Variants in ATP8A1 observed in about 807,000 individuals in gnomAD.
The protein encoded by ATP8A1 is ATPase phospholipid transporting 8A1.
Under a neutral mutation model 177.7 loss-of-function variants are expected in ATP8A1, and 90 were observed. That is an observed-to-expected ratio of 0.51 (90% confidence interval 0.43 to 0.60). ATP8A1 has a LOEUF of 0.60. ATP8A1 is among the 20% of genes least tolerant of loss of function. The pLI, the probability that ATP8A1 is intolerant of heterozygous loss-of-function variation, is 0.00. For synonymous variants in ATP8A1, 493 were observed against 485.9 expected (o/e 1.01, Z -0.19); for missense variants, 1,072 against 1,392.8 (o/e 0.77, Z 3.67).
At chr4:42,528,004 G>A (rs10019145) in intron 20 of ATP8A1, among the ~76,000 whole-genome samples, 1 of 151,910 alleles carries the variant, frequency 6.6e-6, no homozygotes, top group Non-Finnish European at 1.5e-5. Context: ...CAGACATTTT[G>A]GGGACTACTG....
intron 24 of ATP8A1, among the ~76,000 whole-genome samples, chr4:42,491,772 C>T (rs1722766739): frequency 6.6e-6 from 1 of 152,132 alleles, no homozygotes; most frequent in African/African-American, 2.4e-5. Flanking sequence ...AGTAATGCTG[C>T]AGAAAGCACC....
intron 1 of ATP8A1, among the ~76,000 whole-genome samples, chr4:42,642,897 T>G (rs1740154293): frequency 6.6e-6 from 1 of 152,184 alleles, no homozygotes; most frequent in Admixed American, 6.5e-5. Flanking sequence ...TCCAGCGTTT[T>G]TAAAAGTTCA....
intron 1 of ATP8A1, among the ~76,000 whole-genome samples, chr4:42,650,561 T>C (rs1307652937): frequency 6.6e-6 from 1 of 152,244 alleles, no homozygotes; most frequent in Non-Finnish European, 1.5e-5. Context: ...TTTTTATTCC[T>C]TTTGTTACCT....
At chr4:42,485,852 C>G (rs1722144839) in intron 24 of ATP8A1, among the ~76,000 whole-genome samples, 184 bp from the exon 25 acceptor site, 1 of 152,122 alleles carries the variant, frequency 6.6e-6, no homozygotes, top group Non-Finnish European at 1.5e-5. Context: ...CAATTGTTAT[C>G]AGAAAAAGTT....
Position 42,408,489 on chromosome 4 carries a change from T to C in ATP8A1, c.*4427A>G, listed in dbSNP as rs757584519. The C allele has an allele frequency of 3.9e-5, 6 of 152,196 alleles. No individual in the cohort carries two copies. The highest frequency in any genetic ancestry group is 7.4e-5 in the Non-Finnish European group (5 of 68,024). 9.4% of individuals were successfully genotyped at this position (152,196 alleles called of 1,614,324 possible). A position where few individuals can be genotyped will look rare whatever the true frequency, so the allele number is the denominator to read the frequency against. On this transcript the variant is annotated 3_prime_UTR_variant, in exon 37 of 37. Transcript: ENST00000381668. Reference sequence around the variant, plus strand: ...AAGGCCAATGACACATAACACTGCATAGAAATAATATTACTCAATTTTAAT... The same window carrying C: ...AAGGCCAATGACACATAACACTGCACAGAAATAATATTACTCAATTTTAAT...
At chr4:42,651,302 A>C (rs111460181) in intron 1 of ATP8A1, among the ~76,000 whole-genome samples, 2,916 of 152,252 alleles carry the variant, frequency 0.019, 32 homozygotes, top group Middle Eastern at 0.054. Flanking sequence ...TGCTGCTGAA[A>C]AGATACTGAA....
chr4:42,522,897 A>G (rs1438858045), intron 21 of ATP8A1, among the ~76,000 whole-genome samples: 1 of 152,134 alleles, frequency 6.6e-6, no homozygotes, highest in African/African-American at 2.4e-5. Context: ...TGTCTCCTCT[A>G]TTAAAGCACT....
Position 42,464,901 on chromosome 4 carries a change from TGGA to T in ATP8A1, c.2497_2499del (p.Ser833del). ...CAGAAATGACGCTTTACCTGAGCTA[TGGA>T]GTAGTCAGAGGAATTAGCTGCCTGC... On this transcript the variant is annotated inframe_deletion, in exon 26 of 37. Transcript: ENST00000381668. 1 of 1,614,194 alleles carries T rather than the reference TGGA, an allele frequency of 6.2e-7. No individual in the cohort carries two copies. The highest frequency in any genetic ancestry group is 8.5e-7 in the Non-Finnish European group (1 of 1,180,012).
intron 25 of ATP8A1, among the ~76,000 whole-genome samples, chr4:42,466,354 C>G (rs900310659): frequency 9.9e-5 from 15 of 152,170 alleles, no homozygotes; most frequent in Non-Finnish European, 4.4e-5. Context: ...ATGAAGATCA[C>G]CACTTTGAGA....
chr4:42,468,386 ATG>A lies in ATP8A1; in HGVS notation c.2325-3312_2325-3311del, dbSNP rs997660907. On this transcript the variant is annotated intron_variant, in intron 25 of 36. Transcript: ENST00000381668. ...CTGTGGTATGTGTGTATATATATGT[ATG>A]TGTGTGTATATATTTTATATATACA... Among the ~76,000 whole-genome samples the A allele has an allele frequency of 6.6e-5, 10 of 151,916 alleles. No individual in the cohort carries two copies. The East Asian group carries it at 7.7e-4, about 12-fold the overall frequency.
At chr4:42,483,148 T>C (rs1721861703) in intron 25 of ATP8A1, among the ~76,000 whole-genome samples, 1 of 152,210 alleles carries the variant, frequency 6.6e-6, no homozygotes, top group African/African-American at 2.4e-5. Context: ...AATTATATTC[T>C]GAGGTCAGTA....
chr4:42,529,119 G>T (rs1726997523), intron 20 of ATP8A1, among the ~76,000 whole-genome samples: 1 of 152,148 alleles, frequency 6.6e-6, no homozygotes, highest in African/African-American at 2.4e-5. Flanking sequence ...TTTGAGTGGG[G>T]TCCAGAACGG....
intron 1 of ATP8A1, among the ~76,000 whole-genome samples, chr4:42,638,671 T>C (rs186318415): frequency 1.3e-5 from 2 of 152,354 alleles, no homozygotes; most frequent in Admixed American, 6.5e-5. Flanking sequence ...GACATCTCCT[T>C]GGGAATAACC....
At chr4:42,413,309 A>C (rs1266391418) in intron 36 of ATP8A1, among the ~76,000 whole-genome samples, 1 of 152,050 alleles carries the variant, frequency 6.6e-6, no homozygotes, top group East Asian at 1.9e-4. Context: ...AACTCTTCTA[A>C]TTTTTGCTTC....
At chr4:42,467,537 C>T (rs1222735568) in intron 25 of ATP8A1, among the ~76,000 whole-genome samples, 2 of 152,010 alleles carry the variant, frequency 1.3e-5, no homozygotes, top group Non-Finnish European at 2.9e-5. Flanking sequence ...AATAAAAATA[C>T]AAAAAATTAG....
intron 25 of ATP8A1, among the ~76,000 whole-genome samples, chr4:42,472,880 A>T (rs952968018): frequency 1.3e-5 from 2 of 152,224 alleles, no homozygotes; most frequent in Admixed American, 1.3e-4. Flanking sequence ...GACAATGAAA[A>T]TGAAAATAAA....
intron 9 of ATP8A1, among the ~76,000 whole-genome samples, 186 bp downstream of exon 9, chr4:42,586,163 T>G (rs1733592772): frequency 6.6e-6 from 1 of 152,156 alleles, no homozygotes. Flanking sequence ...TCAGCTATAC[T>G]ACATGAATGG....
chr4:42,630,305 C>T (rs1738595620), intron 1 of ATP8A1, among the ~76,000 whole-genome samples: 1 of 152,158 alleles, frequency 6.6e-6, no homozygotes, highest in Admixed American at 6.5e-5. Context: ...AAGGAAGGAA[C>T]CCATGTCCCT....
chr4:42,578,032 C>G (rs990012516), intron 12 of ATP8A1, among the ~76,000 whole-genome samples: 1 of 152,100 alleles, frequency 6.6e-6, no homozygotes. Context: ...CCATCTCCCA[C>G]GACCACCATA....
Sources: gnomAD v4.1 joint callset for allele counts (sites outside exome capture counted in the v4.1 genomes callset) on GRCh38, gnomAD v4.1.1 for gene constraint, MANE v1.5 for transcripts, NCBI Gene and HGNC (gene_info 2026-07-23, HGNC 2026-07-21) for gene names.